The following A1CF variants were observed in gnomAD, a reference collection of about 807,000 sequenced individuals.
A1CF encodes APOBEC-1 stimulating protein.
Under a neutral mutation model 68.9 loss-of-function variants are expected in A1CF, and 48 were observed. The observed-to-expected ratio is 0.70, with a 90% CI of 0.55 to 0.89. The LOEUF is 0.89. Ranked by LOEUF, A1CF falls within the 40% of genes least tolerant of loss-of-function variation. The pLI, the probability that A1CF is intolerant of heterozygous loss-of-function variation, is 0.00. For synonymous variants in A1CF, 272 were observed against 260.4 expected, an observed-to-expected ratio of 1.04 and a Z score of -0.43; for missense variants, 653 against 718.9, an observed-to-expected ratio of 0.91 and a Z score of 1.05.
At chr10:50,850,632 A>G in intron 3 of A1CF, 1 of 1,613,744 alleles carries the variant, frequency 6.2e-7, no homozygotes, top group Non-Finnish European at 8.5e-7. Context: ...GAACGAGTAA[A>G]ATGCCAACTC....
intron 2 of A1CF, among the ~76,000 whole-genome samples, chr10:50,860,501 G>A (rs1233345300): frequency 6.6e-6 from 1 of 152,100 alleles, no homozygotes; most frequent in Non-Finnish European, 1.5e-5. Flanking sequence ...AAGTCATCAT[G>A]CAAAGTACTC....
chr10:50,832,632 A>G (rs1839303287), intron 6 of A1CF, among the ~76,000 whole-genome samples: 1 of 152,218 alleles, frequency 6.6e-6, no homozygotes, highest in African/African-American at 2.4e-5. Flanking sequence ...GAAGTAAGAC[A>G]AGTTCAAATG....
chr10:50,859,766 G>A (rs1006127559), intron 3 of A1CF, 76 bp downstream of exon 3: 19 of 1,276,310 alleles, frequency 1.5e-5, no homozygotes, highest in Non-Finnish European at 2.1e-5. Context: ...TTCCCATTTT[G>A]CATCTTAGGA....
In A1CF at chr10:50,860,692, T is replaced by C. The variant is rs545802112; in HGVS notation, c.-45-707A>G. 1.1e-3 allele frequency among the ~76,000 whole-genome samples: 166 copies of C among 152,342 alleles called. 1 individual carries two copies. The highest frequency in any genetic ancestry group is 3.8e-3 in the African/African-American group (160 of 41,588). On this transcript the variant is annotated intron_variant, in intron 2 of 12. Transcript: ENST00000373997. ...GTTTACATATGTTCACGTTTGTGTG[T>C]ACAGATATAAATGTATAATTTCAGC...
chr10:50,812,217 G>A (rs1838149976), intron 10 of A1CF, among the ~76,000 whole-genome samples: 2 of 152,166 alleles, frequency 1.3e-5, no homozygotes, highest in Admixed American at 6.5e-5. Flanking sequence ...GCTTGTTTAT[G>A]CCAGGTGAGC....
rs1837760088 is a variant in A1CF, at chr10:50,805,075, C to T, written c.*1654G>A. The T allele has an allele frequency of 2.0e-5, 3 of 152,282 alleles. No individual in the cohort carries two copies. The highest frequency in any genetic ancestry group is 6.5e-5 in the Admixed American group (1 of 15,296). The allele number at this position is 152,282 out of a possible 1,614,324, so 9.4% of individuals were successfully genotyped here. ...GCTGTAGCCTTGGAGGCTTTGTTAT[C>T]TCATTGGAGTTAGGACAACTGAAAT... On this transcript the variant is annotated 3_prime_UTR_variant, in exon 13 of 13. Coordinates refer to ENST00000373997, the MANE Select transcript of A1CF (RefSeq NM_014576.4).
rs538729557 is a variant in A1CF at position 50,872,846 on chromosome 10, C to G, written c.-93-8766G>C. Among the ~76,000 whole-genome samples, 8 of 151,800 alleles carry G rather than the reference C, an allele frequency of 5.3e-5. No homozygotes were observed. In the South Asian group the frequency reaches 1.7e-3, roughly 32 times the overall value. ...AGTCATATCTCATTGAAATGTTACT[C>G]CTTGGCAAGTGTGGCGCCTTCATGG... On this transcript the variant is annotated intron_variant, in intron 1 of 12. Transcript: ENST00000373997.
At chr10:50,830,777 G>A (rs529886081) in intron 6 of A1CF, among the ~76,000 whole-genome samples, 5 of 152,086 alleles carry the variant, frequency 3.3e-5, no homozygotes. Context: ...TCTAAAATTT[G>A]TATGGGGCCA....
chr10:50,816,273 C>T lies in A1CF; in HGVS notation c.874G>A (p.Asp292Asn), dbSNP rs1838368642. The T allele has an allele frequency of 6.2e-7, 1 of 1,613,286 alleles. No homozygotes were observed. The highest frequency in any genetic ancestry group is 8.5e-7 in the Non-Finnish European group (1 of 1,179,588). ...AGGGTGACTTCAATGGGGGAACCAT[C>T]CAGCACCTGTTGTAGAGAGCAAAGA... The part of the protein sequence containing the change: ...AMKALNGKVL[D>N]GSPIEVTLAK... The change falls in exon 9 of 13, where the codon GAT becomes AAT. Residue 292 changes from aspartate (D) to asparagine (N), a missense_variant. By Grantham distance (23) the Asp-to-Asn change is conservative (BLOSUM62 1). Coordinates refer to ENST00000373997, the MANE Select transcript of A1CF (RefSeq NM_014576.4).
chr10:50,877,465 T>C (rs996486943), intron 1 of A1CF, among the ~76,000 whole-genome samples: 39 of 152,204 alleles, frequency 2.6e-4, no homozygotes, highest in Non-Finnish European at 5.1e-4. Flanking sequence ...TGCCAATCAC[T>C]GACTAATGGA....
chr10:50,826,760 G>A (rs1296186126), intron 7 of A1CF, among the ~76,000 whole-genome samples: 1 of 152,062 alleles, frequency 6.6e-6, no homozygotes, highest in Non-Finnish European at 1.5e-5. Context: ...CATAATGACA[G>A]GATCAAATTT....
At position 50,816,328 on chromosome 10, in the gene A1CF, C is replaced by T. The variant is rs770387875; in HGVS notation, c.868-49G>A. On this transcript the variant is annotated intron_variant, in intron 8 of 12. Coordinates refer to ENST00000373997, the MANE Select transcript of A1CF (RefSeq NM_014576.4). ...TCAACGCGAGATGATATGAAGATAACCAAGTGTGGCTGAGCCCTAATAACA... is the reference window on the plus strand; with the variant it reads ...TCAACGCGAGATGATATGAAGATAATCAAGTGTGGCTGAGCCCTAATAACA... 21 of 1,585,116 alleles carry T rather than the reference C, an allele frequency of 1.3e-5. No homozygotes were observed. The South Asian group carries it at 2.3e-4, about 17-fold the overall frequency.
At chr10:50,828,607 G>A (rs551159975) in intron 6 of A1CF, 2 of 226,562 alleles carry the variant, frequency 8.8e-6, no homozygotes, top group East Asian at 1.8e-4. Flanking sequence ...TTGGGTGAAG[G>A]TAGTCACTTA....
At chr10:50,846,184 C>T (rs1413789225) in intron 3 of A1CF, among the ~76,000 whole-genome samples, 2 of 151,990 alleles carry the variant, frequency 1.3e-5, no homozygotes, top group Admixed American at 6.6e-5. Flanking sequence ...GATGGGTATA[C>T]GAAATCGTTA....
chr10:50,826,189 A>C (rs1359593769), intron 7 of A1CF, among the ~76,000 whole-genome samples: 1 of 152,102 alleles, frequency 6.6e-6, no homozygotes, highest in Non-Finnish European at 1.5e-5. Flanking sequence ...GAGGGGAAAA[A>C]CTCATGAAAT....
chr10:50,866,891 A>T (rs192307073), intron 1 of A1CF, among the ~76,000 whole-genome samples: 27 of 152,274 alleles, frequency 1.8e-4, no homozygotes, highest in African/African-American at 6.0e-4. Context: ...AAGTTTTTAA[A>T]AGAAAATAGA....
At chr10:50,864,676 T>A (rs894617315) in intron 1 of A1CF, among the ~76,000 whole-genome samples, 1 of 152,130 alleles carries the variant, frequency 6.6e-6, no homozygotes, top group Non-Finnish European at 1.5e-5. Flanking sequence ...TGGAGTGCAA[T>A]GGCATGATCT....
In A1CF at chr10:50,804,279, T is replaced by C. The variant is rs913667300; in HGVS notation, c.*2450A>G. 3 of 152,066 alleles carry C rather than the reference T, an allele frequency of 2.0e-5. No individual in the cohort carries two copies. Among genetic ancestry groups the C allele is most frequent in the African/African-American group, 7.2e-5 (3 of 41,458 alleles). 9.4% of individuals were successfully genotyped at this position (152,066 alleles called of 1,614,324 possible). A position where few individuals can be genotyped will look rare whatever the true frequency, so the allele number is the denominator to read the frequency against. On this transcript the variant is annotated 3_prime_UTR_variant, in exon 13 of 13. Transcript: ENST00000373997. ...ATGTTTAGGTGTCTGCTCTTAATATTGTAAACAAACAATTATGACTTTATC... is the reference window on the plus strand; with the variant it reads ...ATGTTTAGGTGTCTGCTCTTAATATCGTAAACAAACAATTATGACTTTATC...
Position 50,841,862 on chromosome 10 carries a change from C to T in A1CF, c.365G>A (p.Arg122Lys), listed in dbSNP as rs1839795861. 6.2e-7 allele frequency: 1 copy of T among 1,612,476 alleles called. No homozygotes were observed. Residue 122 changes from arginine to lysine, a missense_variant and splice_region_variant, in exon 5 of 13, where the codon AGA (arginine) becomes AAA (lysine). Arg to Lys is a conservative substitution (Grantham distance 26, BLOSUM62 2). Coordinates refer to ENST00000373997, the MANE Select transcript of A1CF (RefSeq NM_014576.4). ...TTAATCTAGAAGAGGCGGAGCTTACCTAATTTCATAATTATTAAGTTGCTT... is the reference window on the plus strand; with the variant it reads ...TTAATCTAGAAGAGGCGGAGCTTACTTAATTTCATAATTATTAAGTTGCTT... ...AIKQLNNYEI[R>K]NGRLLGVCAS...
Sources: gnomAD v4.1 joint callset for allele counts (sites outside exome capture counted in the v4.1 genomes callset) on GRCh38, gnomAD v4.1.1 for gene constraint, MANE v1.5 for transcripts, NCBI Gene and HGNC (gene_info 2026-07-23, HGNC 2026-07-21) for gene names.